Variants in SETX observed in about 807,000 individuals in gnomAD.
The protein encoded by SETX is senataxin, also known as helicase senataxin.
A neutral mutation model predicts 227.2 loss-of-function variants in SETX; 90 were observed. The ratio of observed to expected loss-of-function variants is 0.40; its 90% CI spans 0.33 to 0.47. The LOEUF (loss-of-function observed/expected upper bound fraction) is 0.47. Among genes scored for constraint, SETX ranks in the 20% least tolerant of loss-of-function variants. The probability of loss-of-function intolerance (pLI) is 0.91; values close to 1 mark genes in which losing one functional copy is unlikely to be tolerated. For missense variants in SETX, 3,052 were observed against 3,181.5 expected (o/e 0.96, Z 0.98); for synonymous variants, 1,210 against 1,113.2 (o/e 1.09, Z -1.73).
chr9:132,354,487 C>A (rs1458166115), intron 1 of SETX, among the ~76,000 whole-genome samples: 3 of 124,462 alleles, frequency 2.4e-5, no homozygotes, highest in East Asian at 4.2e-4. Flanking sequence ...CAGAGCGAGA[C>A]CCCGTCTCAA....
chr9:132,327,986 C>T lies in SETX; in HGVS notation c.3612G>A (p.Arg1204=). 1 of 1,613,734 alleles carries T rather than the reference C, an allele frequency of 6.2e-7. No homozygotes were observed. The highest frequency in any genetic ancestry group is 8.5e-7 in the Non-Finnish European group (1 of 1,179,918). The change falls in exon 10 of 26, where the codon AGG becomes AGA. Residue 1204 remains arginine (R), a synonymous_variant. Coordinates refer to ENST00000224140, the MANE Select transcript of SETX (RefSeq NM_015046.7). ...VGNDFKSIDR[R]TSTPNSRIQR... ...GAATACGTGAATTGGGAGTTGAAGT[C>T]CTTCTATCAATACTTTTAAAATCAT...
At chr9:132,304,045 G>A (rs1046554944) in intron 11 of SETX, among the ~76,000 whole-genome samples, 3 of 152,054 alleles carry the variant, frequency 2.0e-5, no homozygotes, top group East Asian at 3.9e-4. Flanking sequence ...GCTTGAACCC[G>A]GGAGGCGGAG....
intron 11 of SETX, among the ~76,000 whole-genome samples, chr9:132,310,853 T>C (rs1845609289): frequency 6.6e-6 from 1 of 152,242 alleles, no homozygotes; most frequent in South Asian, 2.1e-4. Flanking sequence ...GATGATCCGT[T>C]TCACTTAATG....
intron 11 of SETX, among the ~76,000 whole-genome samples, chr9:132,304,723 C>T (rs966738837): frequency 1.3e-5 from 2 of 151,966 alleles, no homozygotes; most frequent in Non-Finnish European, 1.5e-5. Context: ...TTAGGCTGGG[C>T]GCAGTGGCTC....
intron 10 of SETX, among the ~76,000 whole-genome samples, chr9:132,319,969 A>G (rs1023958923): frequency 2.6e-5 from 4 of 152,204 alleles, no homozygotes; most frequent in South Asian, 4.1e-4. Flanking sequence ...AACAGAAAGC[A>G]TATCTAAGTT....
At chr9:132,350,613 G>A (rs1211417343) in intron 2 of SETX, among the ~76,000 whole-genome samples, 1 of 151,978 alleles carries the variant, frequency 6.6e-6, no homozygotes, top group African/African-American at 2.4e-5. Context: ...ATTTAGAAAT[G>A]CATAAGCATA....
chr9:132,315,621 A>G (rs1431888047), intron 10 of SETX, among the ~76,000 whole-genome samples: 1 of 152,054 alleles, frequency 6.6e-6, no homozygotes, highest in Non-Finnish European at 1.5e-5. Context: ...CCCAATCAAT[A>G]TGTATGTTTT....
In SETX at chr9:132,346,376, G is replaced by A; in HGVS notation, c.273C>T (p.Asp91=). 6.2e-7 allele frequency: 1 copy of A among 1,613,564 alleles called. No individual in the cohort carries two copies. The highest frequency in any genetic ancestry group is 8.5e-7 in the Non-Finnish European group (1 of 1,179,614). The change falls in exon 4 of 26, where the codon GAC becomes GAT. Residue 91 remains aspartate (D), a synonymous_variant. Transcript: ENST00000224140. ...CAAACAGTGGCATCTCTCCATTATT[G>A]TCTACTATATATAACTCATCATCAT... ...IGDDDELYIV[D]NNGEMPLFDI...
chr9:132,281,394 TC>T, intron 20 of SETX, 72 bp downstream of exon 20: 1 of 997,066 alleles, frequency 1.0e-6, no homozygotes. Context: ...AAGAAAGATG[TC>T]TCTCCCTCCT....
In SETX at chr9:132,264,348, T is replaced by TCCC; in HGVS notation, c.7922_7924dup (p.Gly2641dup). On this transcript the variant is annotated inframe_insertion, in exon 26 of 26. Transcript: ENST00000224140. ...GGTCTCGGAACCACACTTCTCCTGCTCCCCTTCACTGAAAGCCCTGGCCTC... is the reference window on the plus strand; with the variant it reads ...GGTCTCGGAACCACACTTCTCCTGCTCCCCCCCTTCACTGAAAGCCCTGGCCTC... 6.2e-7 allele frequency: 1 copy of TCCC among 1,614,138 alleles called. No homozygotes were observed. The highest frequency in any genetic ancestry group is 8.5e-7 in the Non-Finnish European group (1 of 1,180,028).
rs140438219 is a variant in SETX at position 132,277,658 on chromosome 9, A to C, written c.6842+412T>G. Among the ~76,000 whole-genome samples, 489 of 151,924 alleles carry C rather than the reference A, an allele frequency of 3.2e-3. 4 individuals are homozygous for C. Among genetic ancestry groups the C allele is most frequent in the African/African-American group, 0.011 (465 of 41,442 alleles). Reference sequence around the variant, plus strand: ...AATTAGCCAGGCATGGTGGTGACTGAGTGTAGTCCCAGCTACTCAGGAGGC... The same window carrying C: ...AATTAGCCAGGCATGGTGGTGACTGCGTGTAGTCCCAGCTACTCAGGAGGC... On this transcript the variant is annotated intron_variant, in intron 21 of 25. Coordinates refer to ENST00000224140, the MANE Select transcript of SETX (RefSeq NM_015046.7).
Position 132,261,438 on chromosome 9 carries a change from A to C in SETX, c.*2801T>G, listed in dbSNP as rs1842412995. 1 of 152,230 alleles carries C rather than the reference A, an allele frequency of 6.6e-6. No individual in the cohort carries two copies. The highest frequency in any genetic ancestry group is 6.5e-5 in the Admixed American group (1 of 15,284). 9.4% of individuals were successfully genotyped at this position (152,230 alleles called of 1,614,324 possible). ...ATAAAGCAAACCAAATGGCAGACGA[A>C]ATGATGTTAGTACCTTGTAGTTTAC... On this transcript the variant is annotated 3_prime_UTR_variant, in exon 26 of 26. Coordinates refer to ENST00000224140, the MANE Select transcript of SETX (RefSeq NM_015046.7).
intron 7 of SETX, among the ~76,000 whole-genome samples, chr9:132,332,051 C>T (rs1253079664): frequency 6.6e-6 from 1 of 152,204 alleles, no homozygotes; most frequent in Non-Finnish European, 1.5e-5. Flanking sequence ...CTGTTCTCTA[C>T]TTTTCATCCA....
intron 15 of SETX, among the ~76,000 whole-genome samples, chr9:132,295,104 A>T (rs1485154829): frequency 6.6e-6 from 1 of 152,220 alleles, no homozygotes; most frequent in African/African-American, 2.4e-5. Flanking sequence ...ATGAAAAATA[A>T]GTGTTAAGGT....
rs372240828 is a variant in SETX at position 132,295,821 on chromosome 9, C to T, written c.6106+51G>A. On this transcript the variant is annotated intron_variant, in intron 15 of 25. Transcript: ENST00000224140. ...TTCCTTTGTCATTCAAAGTTGCCTA[C>T]ACTTAACACTGAAAACAAAAACAAA... The T allele has an allele frequency of 1.8e-5, 28 of 1,560,672 alleles. No homozygotes were observed. The African/African-American group carries it at 3.4e-4, about 19-fold the overall frequency.
chr9:132,268,859 G>A (rs565568040), intron 25 of SETX, among the ~76,000 whole-genome samples: 2 of 152,310 alleles, frequency 1.3e-5, no homozygotes, highest in South Asian at 2.1e-4. Flanking sequence ...CAGGCACACA[G>A]ACGACAAAGG....
At chr9:132,322,294 T>C (rs1846412442) in intron 10 of SETX, among the ~76,000 whole-genome samples, 2 of 152,192 alleles carry the variant, frequency 1.3e-5, no homozygotes, top group Admixed American at 6.6e-5. Flanking sequence ...ACTATGGTTT[T>C]ATTTACTATG....
intron 10 of SETX, among the ~76,000 whole-genome samples, chr9:132,316,873 A>T (rs935619834): frequency 6.6e-6 from 1 of 152,166 alleles, no homozygotes; most frequent in Non-Finnish European, 1.5e-5. Flanking sequence ...CATTCCCCCC[A>T]TGCCCTAGTT....
At chr9:132,348,363 AAAAAAAAAACAAAAC>A (rs1304759773) in intron 3 of SETX, among the ~76,000 whole-genome samples, 14 of 52,128 alleles carry the variant, frequency 2.7e-4, no homozygotes, top group Admixed American at 7.0e-4. Context: ...ACTCTGTCTC[AAAAAAAAAACAAAAC>A]AAAAAAAAAA....
Sources: allele counts gnomAD v4.1 joint callset (sites outside exome capture counted in the v4.1 genomes callset), GRCh38; gene constraint gnomAD v4.1.1; transcripts MANE v1.5; gene names NCBI Gene and HGNC (gene_info 2026-07-23, HGNC 2026-07-21).